SAMD13: variants seen among roughly 807,000 people sequenced by gnomAD.
SAMD13 encodes sterile alpha motif domain-containing protein 13.
Under a neutral mutation model 12.4 loss-of-function variants are expected in SAMD13, and 9 were observed. That is an observed-to-expected ratio of 0.72 (90% CI 0.44 to 1.26). The LOEUF (loss-of-function observed/expected upper bound fraction) is 1.26. Among genes scored for constraint, SAMD13 ranks in the 50% most tolerant of loss-of-function variants. The pLI, the probability that SAMD13 is intolerant of heterozygous loss-of-function variation, is 0.00. For synonymous variants in SAMD13, 46 were observed against 45.4 expected (o/e 1.01, Z -0.05); for missense variants, 84 against 119.6 (o/e 0.70, Z 1.39).
intron 3 of SAMD13, among the ~76,000 whole-genome samples, chr1:84,348,649 A>G (rs774893248): frequency 6.6e-6 from 1 of 152,108 alleles, no homozygotes; most frequent in Non-Finnish European, 1.5e-5. Flanking sequence ...AAAGTTTCAA[A>G]CCACTTTGTA....
chr1:84,348,081 A>C (rs1216843320), intron 3 of SAMD13, among the ~76,000 whole-genome samples: 1 of 152,184 alleles, frequency 6.6e-6, no homozygotes, highest in East Asian at 1.9e-4. Context: ...GGTGGTTGAC[A>C]AGTAAAATGA....
At chr1:84,299,715 A>G, upstream of SAMD13, 1 of 785,872 alleles carries the variant, frequency 1.3e-6, no homozygotes, top group East Asian at 5.2e-5. Flanking sequence ...GTGTCAGTTT[A>G]CTACCAAAGT....
chr1:84,347,541 C>A (rs1679558096), intron 3 of SAMD13, among the ~76,000 whole-genome samples: 1 of 152,126 alleles, frequency 6.6e-6, no homozygotes. Context: ...AGGAAGTTTT[C>A]TTGGTGTATA....
intron 2 of SAMD13, among the ~76,000 whole-genome samples, chr1:84,310,440 T>C (rs1449269129): frequency 6.6e-6 from 1 of 152,162 alleles, no homozygotes; most frequent in African/African-American, 2.4e-5. Context: ...CTGGGCTGCA[T>C]GGAACCCGTG....
chr1:84,341,283 G>A (rs1679419161), intron 3 of SAMD13, among the ~76,000 whole-genome samples: 1 of 152,104 alleles, frequency 6.6e-6, no homozygotes, highest in Non-Finnish European at 1.5e-5. Flanking sequence ...CTAAACAAGA[G>A]TCAAGCTCCT....
upstream of SAMD13, chr1:84,298,569 T>TA (rs1678364070): frequency 7.8e-7 from 1 of 1,279,756 alleles, no homozygotes; most frequent in South Asian, 3.7e-5. Flanking sequence ...TGCGGGGAGG[T>TA]AAGTGATCTG....
intron 2 of SAMD13, among the ~76,000 whole-genome samples, chr1:84,318,261 T>C (rs1207929095): frequency 6.6e-6 from 1 of 152,074 alleles, no homozygotes; most frequent in Non-Finnish European, 1.5e-5. Flanking sequence ...TAAACTTCCC[T>C]CTTAATACTG....
intron 2 of SAMD13, among the ~76,000 whole-genome samples, chr1:84,318,662 G>A (rs1456343811): frequency 6.6e-6 from 1 of 152,010 alleles, no homozygotes; most frequent in Admixed American, 6.6e-5. Context: ...TTTGTTGAAT[G>A]GTTTCTTGAA....
chr1:84,302,337 CTT>C (rs34069417), intron 1 of SAMD13, among the ~76,000 whole-genome samples: 3,602 of 123,128 alleles, frequency 0.029, 108 homozygotes, highest in African/African-American at 0.074. Flanking sequence ...CTGTTTCTTC[CTT>C]TTTTTTTTTT....
upstream of SAMD13, chr1:84,299,545 A>G: frequency 7.1e-7 from 1 of 1,407,362 alleles, no homozygotes; most frequent in South Asian, 1.5e-5. Flanking sequence ...AGTACACCAC[A>G]TAGTGCACAC....
chr1:84,339,322 T>C (rs1241718880), intron 3 of SAMD13, among the ~76,000 whole-genome samples: 1 of 152,186 alleles, frequency 6.6e-6, no homozygotes, highest in Non-Finnish European at 1.5e-5. Context: ...TGTGGGCTCA[T>C]TCTTCTTCAG....
At chr1:84,332,013 A>G (rs1679200940) in intron 3 of SAMD13, among the ~76,000 whole-genome samples, 1 of 152,104 alleles carries the variant, frequency 6.6e-6, no homozygotes, top group Non-Finnish European at 1.5e-5. Flanking sequence ...ATTAGTTCGC[A>G]TAGGATAATG....
intron 2 of SAMD13, among the ~76,000 whole-genome samples, chr1:84,313,867 T>C (rs1185813872): frequency 6.6e-6 from 1 of 152,178 alleles, no homozygotes; most frequent in Non-Finnish European, 1.5e-5. Context: ...TAATTAGTAA[T>C]GTGATGCTTT....
intron 2 of SAMD13, among the ~76,000 whole-genome samples, chr1:84,309,531 A>T (rs1023760491): frequency 5.9e-5 from 9 of 152,174 alleles, no homozygotes; most frequent in Non-Finnish European, 1.3e-4. Flanking sequence ...AAATTCTTAG[A>T]TCTCTGATGT....
chr1:84,319,188 TCAGAG>T (rs1358597837), intron 2 of SAMD13, among the ~76,000 whole-genome samples: 1 of 152,206 alleles, frequency 6.6e-6, no homozygotes, highest in Non-Finnish European at 1.5e-5. Flanking sequence ...GTGCTGTGGC[TCAGAG>T]CAGGGAGGAA....
chr1:84,313,216 A>G (rs74095535), intron 2 of SAMD13, among the ~76,000 whole-genome samples: 1 of 152,300 alleles, frequency 6.6e-6, no homozygotes, highest in African/African-American at 2.4e-5. Context: ...ATGGGAGCAT[A>G]CACAAAAATG....
chr1:84,308,866 A>G (rs933017665), intron 2 of SAMD13, among the ~76,000 whole-genome samples: 1 of 152,138 alleles, frequency 6.6e-6, no homozygotes, highest in Non-Finnish European at 1.5e-5. Flanking sequence ...TCCTAACCCA[A>G]ATTTGGAGAC....
intron 3 of SAMD13, among the ~76,000 whole-genome samples, chr1:84,349,386 G>A (rs1220260948): frequency 1.3e-5 from 2 of 152,210 alleles, no homozygotes; most frequent in Non-Finnish European, 2.9e-5. Flanking sequence ...TTTTTAAGAT[G>A]TGATGTTTGT....
intron 2 of SAMD13, among the ~76,000 whole-genome samples, chr1:84,314,462 A>G (rs1212346962): frequency 6.6e-6 from 1 of 152,198 alleles, no homozygotes; most frequent in Non-Finnish European, 1.5e-5. Flanking sequence ...ATAAATAATT[A>G]TCAAGCCTCA....
Sources: gnomAD v4.1 joint callset for allele counts (sites outside exome capture counted in the v4.1 genomes callset) on GRCh38, gnomAD v4.1.1 for gene constraint, MANE v1.5 for transcripts, NCBI Gene and HGNC (gene_info 2026-07-23, HGNC 2026-07-21) for gene names.